The following ZNF385B variants were observed in gnomAD, a reference collection of about 807,000 sequenced individuals.
ZNF385B encodes zinc finger protein 385B, also known as zinc finger protein 533.
ZNF385B carries 23 observed loss-of-function variants against 39.2 expected under a neutral mutation model. The ratio of observed to expected loss-of-function variants is 0.59; its 90% CI spans 0.42 to 0.83. ZNF385B has a LOEUF of 0.83. Among genes scored for constraint, ZNF385B ranks in the 40% least tolerant of loss-of-function variants. ZNF385B has a pLI of 0.00. For synonymous variants in ZNF385B, 205 were observed against 222.6 expected, an observed-to-expected ratio of 0.92 and a Z score of 0.70; for missense variants, 552 against 598.9, an observed-to-expected ratio of 0.92 and a Z score of 0.82.
chr2:179,688,740 C>A (rs549208024), intron 3 of ZNF385B, among the ~76,000 whole-genome samples: 1 of 152,084 alleles, frequency 6.6e-6, no homozygotes, highest in Admixed American at 6.6e-5. Context: ...ATTATAGTTA[C>A]CATGTTGTAC....
rs578030409 is a variant in ZNF385B at position 179,549,758 on chromosome 2, A to T, written c.299-4789T>A. On this transcript the variant is annotated intron_variant, in intron 3 of 9. Transcript: ENST00000410066. ...TGATCCTAAAAACAGAAGAGAAAAA[A>T]GAGAGAAGGGTGCCTGAAGCATTTA... Among the ~76,000 whole-genome samples, 56 of 149,840 alleles carry T rather than the reference A, an allele frequency of 3.7e-4. 6 individuals are homozygous for T. The highest frequency in any genetic ancestry group is 1.3e-3 in the African/African-American group (52 of 39,976).
chr2:179,708,138 C>T (rs2840142), intron 3 of ZNF385B, among the ~76,000 whole-genome samples: 21,801 of 152,154 alleles, frequency 0.14, 2,050 homozygotes, highest in East Asian at 0.49. Context: ...TCTGTGTCCC[C>T]ACCCAAATCT....
chr2:179,622,251 G>A (rs1339489080), intron 3 of ZNF385B, among the ~76,000 whole-genome samples: 1 of 152,176 alleles, frequency 6.6e-6, no homozygotes, highest in Admixed American at 6.5e-5. Context: ...TAGTATAACA[G>A]CCCAGTCCCA....
intron 3 of ZNF385B, among the ~76,000 whole-genome samples, chr2:179,559,484 A>G (rs966402663): frequency 2.0e-5 from 3 of 152,174 alleles, no homozygotes; most frequent in African/African-American, 7.2e-5. Flanking sequence ...TTTTCTGCAC[A>G]TGAAGGCCCT....
At position 179,696,326 on chromosome 2, in the gene ZNF385B, C is replaced by CTTTTTTTTTTTTTTTTTTTTTTT; in HGVS notation, c.298+73154_298+73176dup. Among the ~76,000 whole-genome samples, 358 of 40,358 alleles carry CTTTTTTTTTTTTTTTTTTTTTTT rather than the reference C, an allele frequency of 8.9e-3. 148 individuals carry two copies. The highest frequency in any genetic ancestry group is 0.016 in the South Asian group (12 of 728). 26.5% of individuals were successfully genotyped at this position (40,358 alleles called of 152,430 possible). On this transcript the variant is annotated intron_variant, in intron 3 of 9. Coordinates refer to ENST00000410066, the MANE Select transcript of ZNF385B (RefSeq NM_152520.6). ...CTGGGACACTAGGTACAAACTGGGA[C>CTTTTTTTTTTTTTTTTTTTTTTT]TTTTTTTTTTTTTTTTTTTTTTTGC...
chr2:179,650,470 T>G (rs1466846250), intron 3 of ZNF385B, among the ~76,000 whole-genome samples: 1 of 152,178 alleles, frequency 6.6e-6, no homozygotes, highest in East Asian at 1.9e-4. Context: ...TTATTCAAGA[T>G]AAGGGATACT....
Position 179,445,551 on chromosome 2 carries a change from T to G in ZNF385B, c.1139A>C (p.Gln380Pro). ...GTTTACTAATTCAGGATACGTTACC[T>G]GTTTGAGTTGAATTTCTGAATTAAC... ...VHVNSEIQLK[Q>P]HISSRRHKDR... Residue 380 changes from glutamine (Q) to proline (P), a missense_variant and splice_region_variant, in exon 8 of 10, where the codon CAG becomes CCG. Gln to Pro is a moderately conservative substitution (Grantham distance 76). Transcript: ENST00000410066. 6.2e-7 allele frequency: 1 copy of G among 1,610,448 alleles called. No individual in the cohort carries two copies. The highest frequency in any genetic ancestry group is 1.1e-5 in the South Asian group (1 of 90,176).
chr2:179,849,630 G>A (rs896550999), intron 1 of ZNF385B, among the ~76,000 whole-genome samples: 2 of 152,160 alleles, frequency 1.3e-5, no homozygotes, highest in Non-Finnish European at 2.9e-5. Flanking sequence ...TTCAAACGTT[G>A]AGGATAAAAG....
chr2:179,467,305 T>G (rs187920340), intron 6 of ZNF385B, among the ~76,000 whole-genome samples: 1 of 152,294 alleles, frequency 6.6e-6, no homozygotes, highest in African/African-American at 2.4e-5. Context: ...CTTTAGCTCA[T>G]AACACCCACT....
chr2:179,759,488 C>T (rs1448817811), intron 3 of ZNF385B, among the ~76,000 whole-genome samples: 2 of 152,164 alleles, frequency 1.3e-5, no homozygotes, highest in Non-Finnish European at 1.5e-5. Context: ...TGATTCCTTT[C>T]TACCTTTGCA....
intron 1 of ZNF385B, among the ~76,000 whole-genome samples, chr2:179,793,364 T>C (rs1575501384): frequency 6.6e-6 from 1 of 152,148 alleles, no homozygotes; most frequent in Admixed American, 6.5e-5. Context: ...AAAATGTTAG[T>C]GGGTGATAAG....
intron 5 of ZNF385B, among the ~76,000 whole-genome samples, chr2:179,517,486 T>G (rs2058171556): frequency 6.7e-6 from 1 of 149,956 alleles, no homozygotes; most frequent in Non-Finnish European, 1.5e-5. Flanking sequence ...TAAATATAAT[T>G]TCATAAATCA....
chr2:179,594,826 T>C (rs544222395), intron 3 of ZNF385B, among the ~76,000 whole-genome samples: 1 of 152,042 alleles, frequency 6.6e-6, no homozygotes, highest in Non-Finnish European at 1.5e-5. Flanking sequence ...TTGTTTTTTT[T>C]AGACAAGGTC....
chr2:179,837,851 T>C (rs1708332899), intron 1 of ZNF385B, among the ~76,000 whole-genome samples: 2 of 152,218 alleles, frequency 1.3e-5, no homozygotes, highest in South Asian at 4.1e-4. Context: ...ATATAAACAC[T>C]AAGGTTATTT....
In ZNF385B at chr2:179,610,687, A is replaced by G. The variant is rs181805786; in HGVS notation, c.299-65718T>C. Among the ~76,000 whole-genome samples the G allele has an allele frequency of 1.5e-3, 227 of 152,292 alleles. 1 individual carries two copies. The highest frequency in any genetic ancestry group is 5.2e-3 in the African/African-American group (216 of 41,570). ...AATATGATTATTCCAATCCATGAAC[A>G]TGAAATATCTTTCCCTGTGTGTGTA... is the stretch of plus-strand genomic sequence containing the variant. On this transcript the variant is annotated intron_variant, in intron 3 of 9. Transcript: ENST00000410066.
chr2:179,855,481 G>C (rs1312376920), intron 1 of ZNF385B, among the ~76,000 whole-genome samples: 3 of 152,134 alleles, frequency 2.0e-5, no homozygotes, highest in Non-Finnish European at 2.9e-5. Flanking sequence ...TTTTGTACCA[G>C]TTTATATGTC....
chr2:179,670,496 A>AAAACAAACAAC (rs201645132), intron 3 of ZNF385B, among the ~76,000 whole-genome samples: 7 of 144,004 alleles, frequency 4.9e-5, no homozygotes, highest in African/African-American at 1.9e-4. Context: ...AAAACAAACA[A>AAAACAAACAAC]AAAAAAATAG....
intron 5 of ZNF385B, among the ~76,000 whole-genome samples, chr2:179,493,793 A>ATG (rs1186016584): frequency 2.1e-5 from 3 of 144,976 alleles, no homozygotes; most frequent in Non-Finnish European, 4.5e-5. Context: ...ACATATGTAT[A>ATG]CATATATGTA....
At chr2:179,846,403 T>A (rs1430165401) in intron 1 of ZNF385B, among the ~76,000 whole-genome samples, 2 of 152,252 alleles carry the variant, frequency 1.3e-5, no homozygotes, top group African/African-American at 4.8e-5. Flanking sequence ...GGTGGTGATG[T>A]TAGAAACGGG....
Sources: gnomAD v4.1 joint callset for allele counts (sites outside exome capture counted in the v4.1 genomes callset) on GRCh38, gnomAD v4.1.1 for gene constraint, MANE v1.5 for transcripts, NCBI Gene and HGNC (gene_info 2026-07-23, HGNC 2026-07-21) for gene names.